The following CAP2 variants were observed in gnomAD, a reference collection of about 807,000 sequenced individuals.
CAP2 encodes the protein cyclase associated actin cytoskeleton regulatory protein 2, also known as adenylyl cyclase-associated protein 2.
A neutral mutation model predicts 57.7 loss-of-function variants in CAP2; 24 were observed. The ratio of observed to expected loss-of-function variants is 0.42; its 90% CI spans 0.30 to 0.58. The LOEUF is 0.58. Among genes scored for constraint, CAP2 ranks in the 20% least tolerant of loss-of-function variants. The pLI is 0.22. For missense variants in CAP2, 501 were observed against 590.3 expected (o/e 0.85, Z 1.57); for synonymous variants, 194 against 207.2 (o/e 0.94, Z 0.55).
intron 1 of CAP2, among the ~76,000 whole-genome samples, chr6:17,412,032 T>C (rs1023667353): frequency 6.6e-6 from 1 of 152,134 alleles, no homozygotes; most frequent in Non-Finnish European, 1.5e-5. Flanking sequence ...GAGTAGTATA[T>C]GGTTTATCCT....
chr6:17,533,240 A>G (rs1762692645), intron 7 of CAP2, among the ~76,000 whole-genome samples: 1 of 152,098 alleles, frequency 6.6e-6, no homozygotes, highest in Admixed American at 6.6e-5. Flanking sequence ...TATATATAGT[A>G]TATGTATCCA....
intron 1 of CAP2, among the ~76,000 whole-genome samples, chr6:17,401,648 C>T (rs1056559648): frequency 1.4e-4 from 21 of 152,176 alleles, no homozygotes; most frequent in African/African-American, 5.1e-4. Flanking sequence ...GTCTATCTCT[C>T]GGCAGTCATG....
intron 7 of CAP2, among the ~76,000 whole-genome samples, chr6:17,522,864 G>A (rs1260640791): frequency 2.6e-5 from 4 of 152,074 alleles, no homozygotes; most frequent in African/African-American, 9.7e-5. Context: ...GCACGATCTC[G>A]GCTCATTGCA....
intron 7 of CAP2, among the ~76,000 whole-genome samples, chr6:17,524,033 G>A (rs1027233492): frequency 4.8e-5 from 7 of 144,876 alleles, no homozygotes; most frequent in East Asian, 2.0e-4. Context: ...CTGAGATCGC[G>A]CCACTGCACT....
At chr6:17,532,704 C>A (rs550284950) in intron 7 of CAP2, among the ~76,000 whole-genome samples, 1 of 147,386 alleles carries the variant, frequency 6.8e-6, no homozygotes, top group South Asian at 2.1e-4. Context: ...GCTGAGATCA[C>A]GCCACTGCAC....
At chr6:17,550,062 A>T (rs924670984) in intron 11 of CAP2, among the ~76,000 whole-genome samples, 24 of 152,152 alleles carry the variant, frequency 1.6e-4, no homozygotes, top group South Asian at 6.2e-4. Context: ...TGGTAGTTTA[A>T]CTCGTATAGC....
chr6:17,451,698 C>T (rs1220028322), intron 3 of CAP2, among the ~76,000 whole-genome samples: 2 of 151,954 alleles, frequency 1.3e-5, no homozygotes, highest in Non-Finnish European at 2.9e-5. Flanking sequence ...TTAGTAGAGA[C>T]GGGGTTTCTC....
At chr6:17,474,049 A>G (rs866410288) in intron 4 of CAP2, among the ~76,000 whole-genome samples, 2 of 152,188 alleles carry the variant, frequency 1.3e-5, no homozygotes, top group African/African-American at 2.4e-5. Context: ...TGAACTAGCT[A>G]GTCAACATTG....
At chr6:17,447,298 A>T (rs2113572841) in intron 3 of CAP2, among the ~76,000 whole-genome samples, 1 of 152,014 alleles carries the variant, frequency 6.6e-6, no homozygotes, top group African/African-American at 2.4e-5. Context: ...GGCATTAGAG[A>T]TTTGAGCCAT....
chr6:17,481,667 T>A (rs1761290102), intron 4 of CAP2, among the ~76,000 whole-genome samples: 1 of 152,226 alleles, frequency 6.6e-6, no homozygotes, highest in Non-Finnish European at 1.5e-5. Flanking sequence ...AGTGGCAAAA[T>A]GGATACATTT....
At chr6:17,532,102 T>G (rs1561818215) in intron 7 of CAP2, among the ~76,000 whole-genome samples, 1 of 151,802 alleles carries the variant, frequency 6.6e-6, no homozygotes, top group Non-Finnish European at 1.5e-5. Context: ...CAAACCAAAT[T>G]CTCTACTACC....
chr6:17,440,675 CA>C (rs1006487920), intron 3 of CAP2, among the ~76,000 whole-genome samples: 9 of 149,756 alleles, frequency 6.0e-5, no homozygotes, highest in Non-Finnish European at 8.9e-5. Flanking sequence ...CTGTATCTCC[CA>C]TTTTTTTATT....
intron 4 of CAP2, among the ~76,000 whole-genome samples, chr6:17,489,955 C>T (rs1761507448): frequency 6.6e-6 from 1 of 151,970 alleles, no homozygotes; most frequent in Non-Finnish European, 1.5e-5. Flanking sequence ...TTTCTTTTGG[C>T]ATTTGGTGGG....
rs1008924564 is a variant in CAP2 at position 17,400,203 on chromosome 6, G to A, written c.-2+6457G>A. ...ATCATGCCACTGCATTCCAGTGTGGGCAACAGAATGAGACTCCATCTCAAA... is the reference window on the plus strand; with the variant it reads ...ATCATGCCACTGCATTCCAGTGTGGACAACAGAATGAGACTCCATCTCAAA... On this transcript the variant is annotated intron_variant, in intron 1 of 12. Coordinates refer to ENST00000229922, the MANE Select transcript of CAP2 (RefSeq NM_006366.3). 5.9e-5 allele frequency among the ~76,000 whole-genome samples: 9 copies of A among 152,226 alleles called. No individual in the cohort carries two copies. In the South Asian group the frequency reaches 1.5e-3, roughly 25 times the overall value.
At chr6:17,490,119 T>C (rs537657218) in intron 4 of CAP2, among the ~76,000 whole-genome samples, 2 of 152,218 alleles carry the variant, frequency 1.3e-5, no homozygotes, top group Non-Finnish European at 2.9e-5. Context: ...ATATGCATAG[T>C]AATTTTAATA....
chr6:17,494,246 T>G (rs1234564846), intron 4 of CAP2, among the ~76,000 whole-genome samples: 1 of 152,200 alleles, frequency 6.6e-6, no homozygotes, highest in African/African-American at 2.4e-5. Context: ...GATCTCCGCT[T>G]TATTCAGGAT....
chr6:17,463,103 C>T, intron 4 of CAP2, 30 bp downstream of exon 4: 2 of 1,485,136 alleles, frequency 1.3e-6, no homozygotes, highest in Non-Finnish European at 1.9e-6. Context: ...GGGAAGGTGT[C>T]CCAGGGTATG....
At chr6:17,407,885 A>G (rs1759025210) in intron 1 of CAP2, among the ~76,000 whole-genome samples, 1 of 152,066 alleles carries the variant, frequency 6.6e-6, no homozygotes, top group East Asian at 1.9e-4. Flanking sequence ...CTTGGGCCAA[A>G]CTGATCACCT....
chr6:17,400,694 T>C (rs890710496), intron 1 of CAP2, among the ~76,000 whole-genome samples: 35 of 152,018 alleles, frequency 2.3e-4, no homozygotes, highest in African/African-American at 8.4e-4. Context: ...AAACCCCGTC[T>C]GTACTAAAAA....
Sources: gnomAD v4.1 joint callset for allele counts (sites outside exome capture counted in the v4.1 genomes callset) on GRCh38, gnomAD v4.1.1 for gene constraint, MANE v1.5 for transcripts, NCBI Gene and HGNC (gene_info 2026-07-23, HGNC 2026-07-21) for gene names.